The following STK10 variants were observed in gnomAD, a reference collection of about 807,000 sequenced individuals.
STK10 encodes the protein serine/threonine kinase 10.
In STK10, 78 loss-of-function variants were observed where a neutral mutation model predicts 113.8. The observed-to-expected ratio is 0.69, with a 90% CI of 0.57 to 0.83. The LOEUF is 0.83. Among genes scored for constraint, STK10 ranks in the 40% least tolerant of loss-of-function variants. STK10 has a pLI of 0.00. For missense variants in STK10, 1,109 were observed against 1,280.1 expected (o/e 0.87, Z 2.04); for synonymous variants, 465 against 494.7 (o/e 0.94, Z 0.80).
chr5:172,081,443 T>C (rs1334001894), intron 12 of STK10, among the ~76,000 whole-genome samples: 1 of 152,082 alleles, frequency 6.6e-6, no homozygotes, highest in Non-Finnish European at 1.5e-5. Flanking sequence ...CACATCTGTG[T>C]ACAGCATGGT....
chr5:172,148,561 G>A (rs989040287), intron 2 of STK10, among the ~76,000 whole-genome samples: 13 of 152,222 alleles, frequency 8.5e-5, no homozygotes, highest in Non-Finnish European at 1.5e-4. Flanking sequence ...CATCTGCTCT[G>A]GGCCACCAAC....
intron 1 of STK10, among the ~76,000 whole-genome samples, chr5:172,177,047 G>T (rs1361565314): frequency 6.6e-6 from 1 of 152,084 alleles, no homozygotes; most frequent in Admixed American, 6.6e-5. Context: ...GGTGGTGCAC[G>T]CCTGTGATCC....
At chr5:172,081,393 C>T (rs1768426139) in intron 12 of STK10, among the ~76,000 whole-genome samples, 1 of 151,350 alleles carries the variant, frequency 6.6e-6, no homozygotes, top group Non-Finnish European at 1.5e-5. Flanking sequence ...ATCTACTCTG[C>T]TTGTGCTCTA....
intron 13 of STK10, chr5:172,063,606 G>A (rs186258234): frequency 3.3e-5 from 5 of 152,412 alleles, no homozygotes; most frequent in Admixed American, 3.3e-4. Flanking sequence ...GCGTGGATGA[G>A]GGCCTGTGTG....
chr5:172,054,498 C>A, intron 17 of STK10, 71 bp downstream of exon 17: 5 of 1,568,996 alleles, frequency 3.2e-6, no homozygotes, highest in Non-Finnish European at 4.3e-6. Flanking sequence ...GTTTCTGGCC[C>A]CCTGAGATCT....
intron 12 of STK10, among the ~76,000 whole-genome samples, chr5:172,070,998 A>G (rs1484990025): frequency 1.3e-5 from 2 of 151,956 alleles, no homozygotes; most frequent in East Asian, 1.9e-4. Context: ...ACCTGAAATC[A>G]GAAGTTTAAG....
In STK10 at chr5:172,044,903, G is replaced by A. The variant is rs1275700393; in HGVS notation, c.2886C>T (p.Tyr962=). The change falls in exon 19 of 19, where the codon TAC becomes TAT. Residue 962 remains tyrosine (Y), a synonymous_variant. Transcript: ENST00000176763. The surrounding 1 kb of genome is among the most constrained non-coding windows in gnomAD (Gnocchi z 4.5). ...TPSKAAKFFP[Y]SSADAS ...GTTGTTAAGAAGCATCCGCAGAACT[G>A]TAGGGGAAGAACTTGGCGGCCTTGC... The A allele has an allele frequency of 6.2e-7, 1 of 1,614,248 alleles. No individual in the cohort carries two copies. Among genetic ancestry groups the A allele is most frequent in the Non-Finnish European group, 8.5e-7 (1 of 1,180,046 alleles).
chr5:172,048,285 C>T (rs1012344465), intron 18 of STK10, among the ~76,000 whole-genome samples: 1 of 152,104 alleles, frequency 6.6e-6, no homozygotes, highest in Non-Finnish European at 1.5e-5. Context: ...GGAATTCTGC[C>T]TCTAGACAGC....
intron 7 of STK10, among the ~76,000 whole-genome samples, chr5:172,098,888 TCAC>T: frequency 6.6e-6 from 1 of 151,256 alleles, no homozygotes; most frequent in African/African-American, 2.4e-5. Context: ...ATCATCACCT[TCAC>T]CACCATCACC....
At chr5:172,119,957 G>A (rs1462444211) in intron 3 of STK10, among the ~76,000 whole-genome samples, 1 of 152,164 alleles carries the variant, frequency 6.6e-6, no homozygotes, top group Non-Finnish European at 1.5e-5. Flanking sequence ...TCAGCTGGAG[G>A]TCATCACAGT....
intron 2 of STK10, among the ~76,000 whole-genome samples, chr5:172,129,399 C>T (rs1166308972): frequency 6.6e-6 from 1 of 152,154 alleles, no homozygotes; most frequent in Non-Finnish European, 1.5e-5. Flanking sequence ...CACTCTGGTC[C>T]TGCCTGGTCA....
At chr5:172,066,116 C>A (rs1165961880) in intron 12 of STK10, among the ~76,000 whole-genome samples, 1 of 152,114 alleles carries the variant, frequency 6.6e-6, no homozygotes, top group Non-Finnish European at 1.5e-5. Context: ...GGGGGAAAGG[C>A]CCGCCTGTGA....
chr5:172,114,259 C>A (rs1769313131), intron 4 of STK10, among the ~76,000 whole-genome samples: 1 of 148,296 alleles, frequency 6.7e-6, no homozygotes, highest in Admixed American at 6.8e-5. Flanking sequence ...GGGTCTTATT[C>A]CAAATTGTGT....
intron 12 of STK10, among the ~76,000 whole-genome samples, chr5:172,080,685 G>C (rs1462004599): frequency 1.3e-5 from 2 of 152,234 alleles, no homozygotes; most frequent in Non-Finnish European, 2.9e-5. Context: ...AGAGAGGTGA[G>C]GAAGCTGAGG....
chr5:172,181,817 A>T (rs550161887), intron 1 of STK10, among the ~76,000 whole-genome samples: 1 of 152,094 alleles, frequency 6.6e-6, no homozygotes, highest in East Asian at 1.9e-4. Flanking sequence ...TCTAAAAGAA[A>T]AAAAGAAATA....
chr5:172,181,497 T>C (rs1463676846), intron 1 of STK10, among the ~76,000 whole-genome samples: 1 of 149,108 alleles, frequency 6.7e-6, no homozygotes, highest in African/African-American at 2.6e-5. Flanking sequence ...TTTTTTTTTT[T>C]TTTGAGACAG....
At position 172,093,813 on chromosome 5, in the gene STK10, C is replaced by A; in HGVS notation, c.1153G>T (p.Asp385Tyr). ...GGACTGGTGGTTTGGAGGGATCTGT[C>A]CCCAGAGGGCTGGCTGCAGGGCTCA... The part of the protein sequence containing the change: ...VNEPCSQPSG[D>Y]RSLQTTSPPV... The change falls in exon 9 of 19, where the codon GAC (aspartate) becomes TAC (tyrosine). Residue 385 changes from aspartate to tyrosine, a missense_variant. By Grantham distance (160) the Asp-to-Tyr change is radical. Coordinates refer to ENST00000176763, the MANE Select transcript of STK10 (RefSeq NM_005990.4). The surrounding 1 kb of genome is among the most constrained non-coding windows in gnomAD (Gnocchi z 4.1). The A allele has an allele frequency of 1.2e-6, 2 of 1,605,758 alleles. No individual in the cohort carries two copies. Among genetic ancestry groups the A allele is most frequent in the Non-Finnish European group, 1.7e-6 (2 of 1,174,136 alleles).
chr5:172,159,178 G>A (rs928056248), intron 1 of STK10, among the ~76,000 whole-genome samples: 13 of 152,190 alleles, frequency 8.5e-5, no homozygotes, highest in East Asian at 5.8e-4. Flanking sequence ...AGGATCCTGC[G>A]AGGACGTTGG....
chr5:172,070,102 G>T (rs944183400), intron 12 of STK10, among the ~76,000 whole-genome samples: 1 of 151,982 alleles, frequency 6.6e-6, no homozygotes, highest in African/African-American at 2.4e-5. Flanking sequence ...ACAAAAATTA[G>T]CTGGGTGTGG....
Sources: gnomAD v4.1 joint callset for allele counts (sites outside exome capture counted in the v4.1 genomes callset) on GRCh38, gnomAD v4.1.1 for gene constraint, Gnocchi (gnomAD v3.1) non-coding constraint, MANE v1.5 for transcripts, NCBI Gene and HGNC (gene_info 2026-07-23, HGNC 2026-07-21) for gene names.